The following CHD7 variants were observed in gnomAD, a reference collection of about 807,000 sequenced individuals.
The protein encoded by CHD7 is chromodomain helicase DNA binding protein 7.
Under a neutral mutation model 307.3 loss-of-function variants are expected in CHD7, and 24 were observed. The observed-to-expected ratio is 0.08, with a 90% confidence interval of 0.06 to 0.11. The LOEUF (loss-of-function observed/expected upper bound fraction) is 0.11. Ranked by LOEUF, CHD7 falls within the 10% of genes least tolerant of loss-of-function variation. CHD7 has a pLI of 1.00. For synonymous variants in CHD7, 1,363 were observed against 1,349.9 expected, an observed-to-expected ratio of 1.01 and a Z score of -0.21; for missense variants, 3,106 against 3,727.1, an observed-to-expected ratio of 0.83 and a Z score of 4.34.
At position 60,742,485 on chromosome 8, in the gene CHD7, A is replaced by G. The variant is rs199880694; in HGVS notation, c.1053A>G (p.Val351=). Residue 351 remains valine (V), a synonymous_variant, in exon 2 of 38, where the codon GTA becomes GTG. Transcript: ENST00000423902. ...NQSVPRYPNA[V]GFPSNSGQGL... The stretch of plus-strand genomic sequence containing the variant: ...CCGTACCAAGATACCCCAATGCTGT[A>G]GGATTCCCATCAAACAGTGGTCAAG... The G allele has an allele frequency of 2.6e-5, 42 of 1,614,024 alleles. No homozygotes were observed. In the Middle Eastern group the frequency reaches 4.9e-4, roughly 19 times the overall value.
intron 34 of CHD7, among the ~76,000 whole-genome samples, chr8:60,858,903 A>G (rs1255120313): frequency 6.6e-6 from 1 of 152,156 alleles, no homozygotes; most frequent in African/African-American, 2.4e-5. Context: ...CATGTTCAGT[A>G]TTTGGATCAC....
intron 1 of CHD7, among the ~76,000 whole-genome samples, chr8:60,730,436 T>C (rs1808386178): frequency 6.6e-6 from 1 of 152,240 alleles, no homozygotes; most frequent in Non-Finnish European, 1.5e-5. Context: ...ATGGTGGCAT[T>C]GTAGAACCTA....
rs1358340358 is a variant in CHD7, at chr8:60,865,273, A to T, written c.8334A>T (p.Gly2778=). 6.2e-7 allele frequency: 1 copy of T among 1,608,320 alleles called. No individual in the cohort carries two copies. Among genetic ancestry groups the T allele is most frequent in the East Asian group, 2.2e-5 (1 of 44,700 alleles). The change falls in exon 38 of 38, where the codon GGA becomes GGT. Residue 2778 remains glycine, a synonymous_variant. Coordinates refer to ENST00000423902, the MANE Select transcript of CHD7 (RefSeq NM_017780.4). This position sits in a 1 kb window ranked among gnomAD's most constrained non-coding sequence, Gnocchi z 4.3. ...CAGGCCTCATGGGCTTCCCTCCAGG[A>T]CTGGCAACAGCTGCCACCGCCGGAG... ...QLAGLMGFPP[G]LATAATAGGD... is the part of the protein sequence containing the mutation.
Position 60,836,937 on chromosome 8 carries a change from T to A in CHD7, c.4110T>A (p.Gly1370=). The A allele has an allele frequency of 6.2e-7, 1 of 1,613,594 alleles. No individual in the cohort carries two copies. The highest frequency in any genetic ancestry group is 8.5e-7 in the Non-Finnish European group (1 of 1,179,708). ...FVFLLCTRAG[G]LGINLTAADT... ...TCCTCCTGTGTACAAGGGCAGGAGG[T>A]TTAGGCATTAACCTCACTGCTGCTG... The change falls in exon 17 of 38, where the codon GGT becomes GGA. Residue 1370 remains glycine (G), a synonymous_variant. Coordinates refer to ENST00000423902, the MANE Select transcript of CHD7 (RefSeq NM_017780.4).
intron 1 of CHD7, chr8:60,679,677 CGCTCCGG>C (rs1805482763): frequency 6.8e-6 from 1 of 146,954 alleles, no homozygotes; most frequent in South Asian, 2.1e-4. Flanking sequence ...CCCCGCCCCC[CGCTCCGG>C]ACCGACCACG....
intron 2 of CHD7, among the ~76,000 whole-genome samples, chr8:60,767,244 C>T (rs989136325): frequency 6.6e-6 from 1 of 152,090 alleles, no homozygotes; most frequent in Non-Finnish European, 1.5e-5. Flanking sequence ...AATATTGTTG[C>T]TCTTTCAAGG....
chr8:60,705,393 A>G (rs1451004162), intron 1 of CHD7, among the ~76,000 whole-genome samples: 1 of 152,242 alleles, frequency 6.6e-6, no homozygotes, highest in Non-Finnish European at 1.5e-5. Flanking sequence ...ACAAAAAGGT[A>G]TGAATGCATA....
At chr8:60,745,251 G>A (rs1429038283) in intron 2 of CHD7, among the ~76,000 whole-genome samples, 1 of 152,168 alleles carries the variant, frequency 6.6e-6, no homozygotes, top group African/African-American at 2.4e-5. Context: ...TTAGAGCAGT[G>A]GTTTCTCAGA....
At chr8:60,760,402 C>A (rs561699792) in intron 2 of CHD7, among the ~76,000 whole-genome samples, 2 of 147,492 alleles carry the variant, frequency 1.4e-5, no homozygotes, top group African/African-American at 5.0e-5. Flanking sequence ...AGAAGAAAAC[C>A]TAGGCATTAC....
intron 2 of CHD7, among the ~76,000 whole-genome samples, chr8:60,753,266 G>A (rs1809726298): frequency 6.6e-6 from 1 of 152,170 alleles, no homozygotes. Flanking sequence ...TGTCAAGGGA[G>A]TAGTCATCTT....
At chr8:60,684,023 C>CTGTT (rs1452433794) in intron 1 of CHD7, among the ~76,000 whole-genome samples, 1 of 151,966 alleles carries the variant, frequency 6.6e-6, no homozygotes, top group African/African-American at 2.4e-5. Flanking sequence ...AGCTAGATTC[C>CTGTT]TGTTGCATTT....
chr8:60,845,174 T>C, intron 22 of CHD7, 76 bp from the exon 23 acceptor site: 1 of 1,570,488 alleles, frequency 6.4e-7, no homozygotes, highest in South Asian at 1.2e-5. Context: ...CCCTGCCTCG[T>C]GCATTAAGCT....
At chr8:60,755,367 T>C (rs889734123) in intron 2 of CHD7, among the ~76,000 whole-genome samples, 34 of 152,098 alleles carry the variant, frequency 2.2e-4, no homozygotes, top group African/African-American at 7.0e-4. Flanking sequence ...TTTTTAAGAA[T>C]TTACTATTTA....
At chr8:60,747,959 G>T (rs1809417884) in intron 2 of CHD7, among the ~76,000 whole-genome samples, 1 of 152,236 alleles carries the variant, frequency 6.6e-6, no homozygotes, top group Admixed American at 6.5e-5. Context: ...AGAATTGCCT[G>T]TTGCAGAGCT....
Position 60,816,463 on chromosome 8 carries a change from T to C in CHD7, c.2575T>C (p.Phe859Leu), listed in dbSNP as rs1803755099. 2 of 1,609,568 alleles carry C rather than the reference T, an allele frequency of 1.2e-6. No individual in the cohort carries two copies. Among genetic ancestry groups the C allele is most frequent in the South Asian group, 1.1e-5 (1 of 89,934 alleles). The change falls in exon 8 of 38, where the codon TTT becomes CTT. Residue 859 changes from phenylalanine to leucine, a missense_variant. Phe to Leu is a conservative substitution (Grantham distance 22). Around this residue, in one of 10 missense-constraint regions of CHD7, gnomAD observed 188 missense variants for 261.7 expected, o/e 0.72. Coordinates refer to ENST00000423902, the MANE Select transcript of CHD7 (RefSeq NM_017780.4). The part of the protein sequence containing the change: ...DKRIQQKIKR[F>L]KAKQGQNKFL... ...GAGAATTCAGCAAAAAATTAAACGA[T>C]TTAAGGCAAAGCAGGGCCAGAACAA...
Position 60,830,565 on chromosome 8 carries a change from T to C in CHD7, c.3766T>C (p.Tyr1256His), listed in dbSNP as rs1804460793. 6.2e-7 allele frequency: 1 copy of C among 1,613,092 alleles called. No homozygotes were observed. Among genetic ancestry groups the C allele is most frequent in the Non-Finnish European group, 8.5e-7 (1 of 1,179,168 alleles). Reference sequence around the variant, plus strand: ...ATTGCGGAAGTGCTGCAATCATCCGTACCTTATCAATGGTAAGGCTGCCCT... The same window carrying C: ...ATTGCGGAAGTGCTGCAATCATCCGCACCTTATCAATGGTAAGGCTGCCCT... Reference protein sequence around the residue: ...MELRKCCNHPYLINGAEEKIL... With the variant: ...MELRKCCNHPHLINGAEEKIL... Residue 1256 changes from tyrosine (Y) to histidine (H), a missense_variant, in exon 15 of 38, where the codon TAC becomes CAC. This residue lies in a region of CHD7 where 232 missense variants were observed against 422.5 expected (regional missense o/e 0.55). Transcript: ENST00000423902.
intron 19 of CHD7, among the ~76,000 whole-genome samples, chr8:60,840,362 G>T (rs1293822256): frequency 6.6e-6 from 1 of 152,072 alleles, no homozygotes; most frequent in South Asian, 2.1e-4. Context: ...TATCACCCCT[G>T]TCTCTCCTCC....
intron 7 of CHD7, among the ~76,000 whole-genome samples, chr8:60,809,975 A>G (rs995047381): frequency 3.3e-5 from 5 of 152,182 alleles, no homozygotes; most frequent in African/African-American, 1.2e-4. Context: ...CGTAAGGAAG[A>G]GCTTTACCCT....
In CHD7 at chr8:60,841,964, T is replaced by C; in HGVS notation, c.4762T>C (p.Cys1588Arg). 1 of 1,613,492 alleles carries C rather than the reference T, an allele frequency of 6.2e-7. No homozygotes were observed. The change falls in exon 21 of 38, where the codon TGT becomes CGT. Residue 1588 changes from cysteine to arginine, a missense_variant. This residue lies in a region of CHD7 where 122 missense variants were observed against 124.5 expected (regional missense o/e 0.98). Coordinates refer to ENST00000423902, the MANE Select transcript of CHD7 (RefSeq NM_017780.4). ...DLESDSEEKP[C>R]AKPRRPQDKS... is the part of the protein sequence containing the mutation. ...GGAAAGTGATTCTGAAGAAAAGCCC[T>C]GTGCAAAGCCACGGCGTCCCCAGGA...
Sources: allele counts gnomAD v4.1 joint callset (sites outside exome capture counted in the v4.1 genomes callset), GRCh38; gene constraint gnomAD v4.1.1; regional missense constraint gnomAD v4.1.1; non-coding constraint Gnocchi (gnomAD v3.1); transcripts MANE v1.5; gene names NCBI Gene and HGNC (gene_info 2026-07-23, HGNC 2026-07-21).